The following MACROD1 variants were observed in gnomAD, a reference collection of about 807,000 sequenced individuals.
The protein encoded by MACROD1 is mono-ADP ribosylhydrolase 1, also known as ADP-ribose glycohydrolase MACROD1.
Under a neutral mutation model 41.4 loss-of-function variants are expected in MACROD1, and 31 were observed. The observed-to-expected ratio is 0.75, with a 90% CI of 0.56 to 1.01. The LOEUF (loss-of-function observed/expected upper bound fraction) is 1.01. Among genes scored for constraint, MACROD1 ranks in the 50% least tolerant of loss-of-function variants. The probability of loss-of-function intolerance (pLI) is 0.00; values close to 1 mark genes in which losing one functional copy is unlikely to be tolerated. For synonymous variants in MACROD1, 252 were observed against 203.4 expected, an observed-to-expected ratio of 1.24 and a Z score of -2.03; for missense variants, 473 against 460.0, an observed-to-expected ratio of 1.03 and a Z score of -0.26.
chr11:64,154,077 T>A (rs551675787), intron 1 of MACROD1, among the ~76,000 whole-genome samples: 79 of 152,264 alleles, frequency 5.2e-4, no homozygotes, highest in Admixed American at 1.3e-3. Flanking sequence ...CTGCCTTCCC[T>A]GTGGACAGGA....
intron 1 of MACROD1, among the ~76,000 whole-genome samples, chr11:64,155,251 T>G (rs1178217033): frequency 6.6e-6 from 1 of 152,134 alleles, no homozygotes; most frequent in Non-Finnish European, 1.5e-5. Flanking sequence ...GAGCCAGAGA[T>G]GATCCCCTAA....
At chr11:64,029,650 C>T (rs1000484858) in intron 3 of MACROD1, among the ~76,000 whole-genome samples, 12 of 151,984 alleles carry the variant, frequency 7.9e-5, no homozygotes, top group African/African-American at 2.9e-4. Context: ...CAGCTGGCCT[C>T]GCCCCCACCC....
At position 63,999,361 on chromosome 11, in the gene MACROD1, C is replaced by T. The variant is rs1334772054; in HGVS notation, c.861G>A (p.Leu287=). The part of the protein sequence containing the change: ...EAAAEIVLAT[L]REWLEQHKDK... Reference sequence around the variant, plus strand: ...CCTTGTGCTGCTCCAGCCACTCTCGCAGCGTGGCCAGCACGATCTCGGCGG... The same window carrying T: ...CCTTGTGCTGCTCCAGCCACTCTCGTAGCGTGGCCAGCACGATCTCGGCGG... Residue 287 remains leucine, a synonymous_variant, in exon 8 of 11, where the codon CTG becomes CTA. Coordinates refer to ENST00000255681, the MANE Select transcript of MACROD1 (RefSeq NM_014067.4). The T allele has an allele frequency of 8.8e-6, 14 of 1,591,296 alleles. No individual in the cohort carries two copies. In the Admixed American group the frequency reaches 2.2e-4, roughly 25 times the overall value.
chr11:64,042,627 G>T (rs1346261636), intron 3 of MACROD1, among the ~76,000 whole-genome samples: 2 of 152,126 alleles, frequency 1.3e-5, no homozygotes. Context: ...GCCCTTCCCT[G>T]CCTCACTGGG....
chr11:64,117,857 C>G (rs764534225), intron 3 of MACROD1: 15 of 1,614,166 alleles, frequency 9.3e-6, no homozygotes, highest in Non-Finnish European at 1.3e-5. Context: ...CAGAGACAGC[C>G]GACAGCTATG....
intron 3 of MACROD1, among the ~76,000 whole-genome samples, chr11:64,055,287 G>A (rs1010612810): frequency 6.6e-6 from 1 of 152,224 alleles, no homozygotes; most frequent in Non-Finnish European, 1.5e-5. Flanking sequence ...TGCAGTGGGC[G>A]GGAGACAGGA....
chr11:64,001,672 C>G (rs539432), intron 4 of MACROD1: 286,631 of 701,018 alleles, frequency 0.41, 62,289 homozygotes, highest in African/African-American at 0.46. Flanking sequence ...ACGCTGAGAA[C>G]GGCTCAGGCC....
intron 3 of MACROD1, among the ~76,000 whole-genome samples, chr11:64,085,565 C>T (rs1043409253): frequency 1.1e-4 from 17 of 152,312 alleles, no homozygotes; most frequent in African/African-American, 2.9e-4. Context: ...CGTCCCCTGC[C>T]GCCCGCCCGG....
intron 3 of MACROD1, among the ~76,000 whole-genome samples, chr11:64,046,428 C>A (rs1010153623): frequency 1.3e-5 from 2 of 152,128 alleles, no homozygotes; most frequent in Non-Finnish European, 2.9e-5. Context: ...GCGAGGCTGC[C>A]CAAGGGGACA....
At chr11:64,065,602 A>G (rs1340363707) in intron 3 of MACROD1, among the ~76,000 whole-genome samples, 1 of 146,576 alleles carries the variant, frequency 6.8e-6, no homozygotes, top group East Asian at 1.9e-4. Context: ...ATCCTGGCTA[A>G]CACGGTGAAA....
In MACROD1 at chr11:64,058,810, G is replaced by A. The variant is rs564986762; in HGVS notation, c.518-43529C>T. On this transcript the variant is annotated intron_variant, in intron 3 of 10. Transcript: ENST00000255681. ...GGCCAGGGCCTGGATCCTCTCTGAC[G>A]GGTGGGAGGGCGTGAAGAGGGCAGC... 3.5e-4 allele frequency among the ~76,000 whole-genome samples: 54 copies of A among 152,300 alleles called. No individual in the cohort carries two copies. The Middle Eastern group carries it at 0.014, about 38-fold the overall frequency.
At chr11:64,065,533 T>A (rs569414399) in intron 3 of MACROD1, among the ~76,000 whole-genome samples, 1 of 152,142 alleles carries the variant, frequency 6.6e-6, no homozygotes. Context: ...CTCATGCCTG[T>A]AATCCCAGCA....
intron 3 of MACROD1, among the ~76,000 whole-genome samples, chr11:64,049,650 G>C (rs541021721): frequency 1.5e-4 from 23 of 152,350 alleles, no homozygotes; most frequent in Admixed American, 1.2e-3. Flanking sequence ...CCTGCTGAAG[G>C]GGGTGGACGC....
At chr11:64,088,306 C>A (rs1487376393) in intron 3 of MACROD1, among the ~76,000 whole-genome samples, 4 of 152,142 alleles carry the variant, frequency 2.6e-5, no homozygotes, top group Non-Finnish European at 5.9e-5. Flanking sequence ...CGTCACTAGG[C>A]TCGGTGGCCA....
At chr11:64,072,503 T>C (rs997299649) in intron 3 of MACROD1, among the ~76,000 whole-genome samples, 2 of 152,122 alleles carry the variant, frequency 1.3e-5, no homozygotes, top group African/African-American at 4.8e-5. Context: ...ACGAGCATGA[T>C]GATAAACCAG....
chr11:64,044,761 C>T (rs2134396316), intron 3 of MACROD1, among the ~76,000 whole-genome samples: 1 of 152,260 alleles, frequency 6.6e-6, no homozygotes, highest in African/African-American at 2.4e-5. Context: ...TGGTATCTGT[C>T]ATGCTCCCCC....
chr11:64,125,034 C>T (rs755144993), intron 3 of MACROD1, among the ~76,000 whole-genome samples: 12 of 152,160 alleles, frequency 7.9e-5, no homozygotes, highest in Non-Finnish European at 1.6e-4. Context: ...GGGACAGCTC[C>T]TGCTTCTGGT....
chr11:64,111,297 C>T (rs982258725), intron 3 of MACROD1, among the ~76,000 whole-genome samples: 1 of 152,200 alleles, frequency 6.6e-6, no homozygotes, highest in East Asian at 1.9e-4. Flanking sequence ...AGCCAACAGA[C>T]CAGGTTGGGG....
chr11:64,058,785 G>A (rs551669681), intron 3 of MACROD1, among the ~76,000 whole-genome samples: 1 of 152,320 alleles, frequency 6.6e-6, no homozygotes, highest in African/African-American at 2.4e-5. Context: ...CTCTGTCATC[G>A]GCCAGGGCCT....
Sources: gnomAD v4.1 joint callset for allele counts (sites outside exome capture counted in the v4.1 genomes callset) on GRCh38, gnomAD v4.1.1 for gene constraint, MANE v1.5 for transcripts, NCBI Gene and HGNC (gene_info 2026-07-23, HGNC 2026-07-21) for gene names.